Variants in RBFOX1 observed in about 807,000 individuals in gnomAD.
RBFOX1 encodes the protein RNA binding fox-1 homolog 1.
Under a neutral mutation model 57.7 loss-of-function variants are expected in RBFOX1, and 8 were observed. The observed-to-expected ratio is 0.14, with a 90% CI of 0.08 to 0.25. The LOEUF is 0.25. Among genes scored for constraint, RBFOX1 ranks in the 10% least tolerant of loss-of-function variants. The probability of loss-of-function intolerance (pLI) is 1.00; values close to 1 mark genes in which losing one functional copy is unlikely to be tolerated. For missense variants in RBFOX1, 611 were observed against 548.5 expected, an observed-to-expected ratio of 1.11 and a Z score of -1.14; for synonymous variants, 326 against 222.4, an observed-to-expected ratio of 1.47 and a Z score of -4.15.
intron 1 of RBFOX1, among the ~76,000 whole-genome samples, chr16:6,035,726 C>G (rs2095357249): frequency 6.6e-6 from 1 of 152,148 alleles, no homozygotes; most frequent in Non-Finnish European, 1.5e-5. Context: ...CAGTGCATCT[C>G]TCTAGGCATA....
chr16:6,377,221 C>A (rs1469179251), intron 2 of RBFOX1, among the ~76,000 whole-genome samples: 1 of 149,454 alleles, frequency 6.7e-6, no homozygotes, highest in Non-Finnish European at 1.5e-5. Context: ...TTGCAGTGAG[C>A]CAAGGTCATG....
At position 7,141,375 on chromosome 16, in the gene RBFOX1, C is replaced by T. The variant is rs115558450; in HGVS notation, c.27+89277C>T. Among the ~76,000 whole-genome samples the T allele has an allele frequency of 3.2e-3, 480 of 152,178 alleles. 5 individuals are homozygous for T. The highest frequency in any genetic ancestry group is 0.011 in the African/African-American group (450 of 41,478). On this transcript the variant is annotated intron_variant, in intron 4 of 15. Coordinates refer to ENST00000550418, the MANE Select transcript of RBFOX1 (RefSeq NM_018723.4). ...GACCAAGACAGATAGGACCCCTTCT[C>T]TGATGGACCTTAAAATACAGCTTGG...
At position 5,873,979 on chromosome 16, in the gene RBFOX1, T is replaced by A. The variant is rs79145720; in HGVS notation, c.351+6644T>A. 7.6e-4 allele frequency among the ~76,000 whole-genome samples: 116 copies of A among 151,996 alleles called. 3 individuals are homozygous for A. In the East Asian group the frequency reaches 0.021, roughly 27 times the overall value. ...AAGTGAAAAGTAAGTGTGGAAACAG[T>A]GAAGGAGAATGATGTAATCAGAAGG... On this transcript the variant is annotated intron_variant, in intron 4 of 19. Transcript: ENST00000641259.
At chr16:6,089,238 C>T (rs17139355) in intron 1 of RBFOX1, among the ~76,000 whole-genome samples, 3 of 152,014 alleles carry the variant, frequency 2.0e-5, no homozygotes, top group African/African-American at 7.3e-5. Context: ...TCCCGATTAA[C>T]TGAGTAGCAG....
Position 6,844,199 on chromosome 16 carries a change from T to C in RBFOX1, c.-16+189549T>C, listed in dbSNP as rs572513017. ...TCTGGAGGAATCTTCTTTTTTTTTT[T>C]CCTTCATGTTTTAAGTTCAGGGGTA... On this transcript the variant is annotated intron_variant, in intron 3 of 15. Coordinates refer to ENST00000550418, the MANE Select transcript of RBFOX1 (RefSeq NM_018723.4). Among the ~76,000 whole-genome samples, 15 of 152,162 alleles carry C rather than the reference T, an allele frequency of 9.9e-5. No homozygotes were observed. The East Asian group carries it at 1.2e-3, about 12-fold the overall frequency.
At chr16:6,779,775 T>A (rs868314645) in intron 3 of RBFOX1, among the ~76,000 whole-genome samples, 3 of 5,706 alleles carry the variant, frequency 5.3e-4, no homozygotes, top group African/African-American at 9.8e-4. Flanking sequence ...ATATATATAT[T>A]TATATATATT....
At chr16:5,325,163 C>G (rs990496078) in intron 1 of RBFOX1, among the ~76,000 whole-genome samples, 1 of 152,158 alleles carries the variant, frequency 6.6e-6, no homozygotes, top group African/African-American at 2.4e-5. Context: ...CTTTCTCTCC[C>G]TCCTGTGTGC....
chr16:5,481,731 G>T (rs1469590817), intron 2 of RBFOX1, among the ~76,000 whole-genome samples: 2 of 152,166 alleles, frequency 1.3e-5, no homozygotes, highest in Non-Finnish European at 2.9e-5. Context: ...ACTGCATTCT[G>T]CCATCATTCT....
At chr16:6,870,146 T>G (rs1221468064) in intron 3 of RBFOX1, among the ~76,000 whole-genome samples, 1 of 152,170 alleles carries the variant, frequency 6.6e-6, no homozygotes, top group Non-Finnish European at 1.5e-5. Context: ...CACCTAGTTT[T>G]CACAGGATGG....
intron 3 of RBFOX1, among the ~76,000 whole-genome samples, chr16:6,686,782 A>G (rs539899563): frequency 2.0e-5 from 3 of 152,238 alleles, no homozygotes; most frequent in South Asian, 2.1e-4. Context: ...CACACACCCA[A>G]CCCAGTTAAC....
intron 1 of RBFOX1, among the ~76,000 whole-genome samples, chr16:5,416,115 G>C (rs2067154154): frequency 6.6e-6 from 1 of 152,204 alleles, no homozygotes; most frequent in Non-Finnish European, 1.5e-5. Flanking sequence ...TCGTTTATGA[G>C]AGTTGACATG....
At chr16:5,321,303 A>G (rs554186767) in intron 1 of RBFOX1, among the ~76,000 whole-genome samples, 40 of 149,826 alleles carry the variant, frequency 2.7e-4, no homozygotes, top group Admixed American at 1.0e-3. Context: ...GTACTAAAAC[A>G]TGAGATATAA....
chr16:6,040,724 A>C (rs533683880), intron 1 of RBFOX1, among the ~76,000 whole-genome samples: 3 of 127,534 alleles, frequency 2.4e-5, no homozygotes, highest in Non-Finnish European at 3.3e-5. Flanking sequence ...ACTCCTGAGT[A>C]GCTGGGATTA....
chr16:5,732,930 A>G (rs1335807571), intron 3 of RBFOX1, among the ~76,000 whole-genome samples: 1 of 152,184 alleles, frequency 6.6e-6, no homozygotes, highest in African/African-American at 2.4e-5. Flanking sequence ...TTATTATCCA[A>G]GGAGTCAACT....
chr16:5,558,796 C>T (rs1026956459), intron 2 of RBFOX1, among the ~76,000 whole-genome samples: 3 of 152,114 alleles, frequency 2.0e-5, no homozygotes, highest in African/African-American at 7.2e-5. Context: ...AATTTGGATT[C>T]ACTCAATGCA....
At chr16:5,536,644 C>G (rs1026598078) in intron 2 of RBFOX1, among the ~76,000 whole-genome samples, 2 of 152,002 alleles carry the variant, frequency 1.3e-5, no homozygotes, top group African/African-American at 4.8e-5. Flanking sequence ...AAATGGGAGA[C>G]AAGCGTCAAA....
chr16:5,445,475 T>C (rs963350374), intron 1 of RBFOX1, among the ~76,000 whole-genome samples: 2 of 152,200 alleles, frequency 1.3e-5, no homozygotes, highest in Non-Finnish European at 2.9e-5. Context: ...GTAGGTGATA[T>C]TTGTTGGATA....
chr16:7,413,629 A>G (rs1176224524), intron 4 of RBFOX1, among the ~76,000 whole-genome samples: 4 of 151,950 alleles, frequency 2.6e-5, no homozygotes, highest in Non-Finnish European at 4.4e-5. Flanking sequence ...TCCTCTTGCT[A>G]TTCCCAGGCA....
At chr16:7,706,345 G>C (rs992565854) in intron 14 of RBFOX1, among the ~76,000 whole-genome samples, 37 of 152,212 alleles carry the variant, frequency 2.4e-4, no homozygotes, top group Admixed American at 2.1e-3. Context: ...CATTTCTGAG[G>C]AGTAGTTCAA....
Sources: allele counts gnomAD v4.1 joint callset (sites outside exome capture counted in the v4.1 genomes callset), GRCh38; gene constraint gnomAD v4.1.1; transcripts MANE v1.5; gene names NCBI Gene and HGNC (gene_info 2026-07-23, HGNC 2026-07-21).